The following SLC35F4 variants were observed in gnomAD, a reference collection of about 807,000 sequenced individuals.
SLC35F4 encodes solute carrier family 35 member F4.
In SLC35F4, 24 loss-of-function variants were observed where a neutral mutation model predicts 44.2. The ratio of observed to expected loss-of-function variants is 0.54; its 90% confidence interval spans 0.39 to 0.76. The LOEUF (loss-of-function observed/expected upper bound fraction) is 0.76, where lower values mean the gene tolerates loss of function less well. SLC35F4 is among the 30% of genes least tolerant of loss of function. The pLI, the probability that SLC35F4 is intolerant of heterozygous loss-of-function variation, is 0.00. For synonymous variants in SLC35F4, 238 were observed against 223.6 expected (o/e 1.06, Z -0.57); for missense variants, 562 against 586.1 (o/e 0.96, Z 0.42).
chr14:57,712,817 T>C (rs188278077), intron 1 of SLC35F4, among the ~76,000 whole-genome samples: 37 of 152,366 alleles, frequency 2.4e-4, no homozygotes, highest in Non-Finnish European at 2.9e-5. Flanking sequence ...AAGTTATTTA[T>C]AATCCACTTA....
At chr14:57,615,250 A>G (rs2071742579) in intron 1 of SLC35F4, among the ~76,000 whole-genome samples, 1 of 152,214 alleles carries the variant, frequency 6.6e-6, no homozygotes, top group South Asian at 2.1e-4. Context: ...AATTATTCCT[A>G]GGCACAGGGC....
chr14:57,775,260 C>A (rs978748097), intron 1 of SLC35F4, among the ~76,000 whole-genome samples: 7 of 152,232 alleles, frequency 4.6e-5, no homozygotes, highest in Non-Finnish European at 7.3e-5. Flanking sequence ...AACCCCAGCA[C>A]CCACTAGCAC....
intron 1 of SLC35F4, among the ~76,000 whole-genome samples, chr14:57,673,198 A>T (rs79964154): frequency 0.15 from 22,664 of 152,092 alleles, 1,905 homozygotes; most frequent in East Asian, 0.29. Context: ...AACACAACTA[A>T]AAAGCATTCA....
At chr14:57,717,531 G>T (rs1215639705) in intron 1 of SLC35F4, among the ~76,000 whole-genome samples, 1 of 152,198 alleles carries the variant, frequency 6.6e-6, no homozygotes, top group Non-Finnish European at 1.5e-5. Context: ...AGCTACTCGG[G>T]AGGCTGAGGC....
At chr14:57,671,912 C>T (rs1231791940) in intron 1 of SLC35F4, among the ~76,000 whole-genome samples, 1 of 152,092 alleles carries the variant, frequency 6.6e-6, no homozygotes, top group Non-Finnish European at 1.5e-5. Flanking sequence ...CTTGAAACCA[C>T]ATTTTTTTCT....
chr14:57,732,059 G>C (rs1041142853), intron 1 of SLC35F4, among the ~76,000 whole-genome samples: 13 of 152,144 alleles, frequency 8.5e-5, no homozygotes, highest in African/African-American at 3.1e-4. Context: ...CAAAATTTAA[G>C]AGGTAACAGT....
At chr14:57,919,661 G>A (rs550770068) in intron 1 of SLC35F4, among the ~76,000 whole-genome samples, 11 of 152,268 alleles carry the variant, frequency 7.2e-5, no homozygotes, top group South Asian at 2.1e-4. Flanking sequence ...GGGTGGGGGA[G>A]CGTGGACAGA....
chr14:57,840,438 G>T (rs759352532), intron 1 of SLC35F4, among the ~76,000 whole-genome samples: 2 of 152,144 alleles, frequency 1.3e-5, no homozygotes, highest in South Asian at 4.1e-4. Flanking sequence ...AACAAGCTTT[G>T]TTACCCAGCA....
intron 1 of SLC35F4, among the ~76,000 whole-genome samples, chr14:57,598,659 G>A (rs1029268280): frequency 6.6e-6 from 1 of 152,138 alleles, no homozygotes; most frequent in African/African-American, 2.4e-5. Context: ...CAAAGTCCCA[G>A]CTATCATTCA....
rs954681339 is a variant in SLC35F4 at position 57,935,669 on chromosome 14, A to C, written n.282+46244T>G. Among the ~76,000 whole-genome samples the C allele has an allele frequency of 3.9e-5, 6 of 152,346 alleles. No homozygotes were observed. The East Asian group carries it at 7.7e-4, about 20-fold the overall frequency. ...TATCAGCTCTAAGGCCCAGATCCCC[A>C]AAAATTCAGATGTTGTTCTATTTGT... On this transcript the variant is annotated intron_variant and non_coding_transcript_variant, in intron 1 of 1. Transcript: ENST00000556568.
At chr14:57,692,199 G>A (rs1345597916) in intron 1 of SLC35F4, among the ~76,000 whole-genome samples, 1 of 152,110 alleles carries the variant, frequency 6.6e-6, no homozygotes, top group Non-Finnish European at 1.5e-5. Context: ...GAAGCTCCTA[G>A]TACGACGAAG....
intron 1 of SLC35F4, among the ~76,000 whole-genome samples, chr14:57,955,205 C>T (rs1311499041): frequency 6.6e-6 from 1 of 152,142 alleles, no homozygotes; most frequent in African/African-American, 2.4e-5. Flanking sequence ...ATGATCATCT[C>T]AGTAGATGCA....
chr14:57,816,611 C>T (rs1882625418), intron 1 of SLC35F4, among the ~76,000 whole-genome samples: 1 of 152,202 alleles, frequency 6.6e-6, no homozygotes, highest in South Asian at 2.1e-4. Flanking sequence ...TACTTCATAA[C>T]ACATTGAACG....
chr14:57,643,815 T>G (rs1460568794), intron 1 of SLC35F4, among the ~76,000 whole-genome samples: 3 of 152,086 alleles, frequency 2.0e-5, no homozygotes, highest in Admixed American at 6.6e-5. Context: ...CCCCTTCCTG[T>G]GTCCATGTGT....
At chr14:57,618,659 C>T (rs1745705) in intron 1 of SLC35F4, among the ~76,000 whole-genome samples, 2 of 151,728 alleles carry the variant, frequency 1.3e-5, no homozygotes, top group Non-Finnish European at 2.9e-5. Context: ...TATTCATACC[C>T]CAGGGGCACC....
chr14:57,879,703 A>G (rs1032045410), intron 1 of SLC35F4, among the ~76,000 whole-genome samples: 1 of 152,162 alleles, frequency 6.6e-6, no homozygotes, highest in Admixed American at 6.5e-5. Flanking sequence ...GTTCCCTGCC[A>G]GCATGGGAAT....
At chr14:57,625,726 G>A (rs975611423) in intron 1 of SLC35F4, among the ~76,000 whole-genome samples, 2 of 152,182 alleles carry the variant, frequency 1.3e-5, no homozygotes, top group African/African-American at 4.8e-5. Flanking sequence ...AATAAATGGT[G>A]CTGGGAAAAC....
intron 1 of SLC35F4, among the ~76,000 whole-genome samples, chr14:57,619,308 C>T (rs756425371): frequency 9.2e-5 from 14 of 152,242 alleles, no homozygotes; most frequent in Admixed American, 2.0e-4. Context: ...TGGCATCTGG[C>T]GGGTGCCCCT....
chr14:57,720,987 T>TATATATATATAC, intron 1 of SLC35F4, among the ~76,000 whole-genome samples: 1 of 114,938 alleles, frequency 8.7e-6, no homozygotes, highest in Non-Finnish European at 1.9e-5. Flanking sequence ...CTCATATATA[T>TATATATATATAC]ATATATATAT....
Sources: gnomAD v4.1 joint callset for allele counts (sites outside exome capture counted in the v4.1 genomes callset) on GRCh38, gnomAD v4.1.1 for gene constraint, MANE v1.5 for transcripts, NCBI Gene and HGNC (gene_info 2026-07-23, HGNC 2026-07-21) for gene names.